POLN: variants seen among roughly 807,000 people sequenced by gnomAD.
POLN encodes the protein DNA polymerase nu, also known as DNA polymerase N.
POLN carries 108 observed loss-of-function variants against 113.5 expected under a neutral mutation model. The observed-to-expected ratio is 0.95, with a 90% CI of 0.81 to 1.12. POLN has a LOEUF of 1.12. Ranked by LOEUF, POLN falls within the 50% of genes most tolerant of loss-of-function variation. The pLI, the probability that POLN is intolerant of heterozygous loss-of-function variation, is 0.00. For missense variants in POLN, 1,097 were observed against 1,077.1 expected, an observed-to-expected ratio of 1.02 and a Z score of -0.26; for synonymous variants, 386 against 391.5, an observed-to-expected ratio of 0.99 and a Z score of 0.17.
intron 19 of POLN, among the ~76,000 whole-genome samples, chr4:2,125,439 T>C (rs1229125462): frequency 2.0e-5 from 3 of 152,140 alleles, no homozygotes; most frequent in Non-Finnish European, 4.4e-5. Context: ...AGAATAGTAG[T>C]TATTTGTGGA....
chr4:2,134,034 T>C (rs940800729), intron 16 of POLN, among the ~76,000 whole-genome samples: 1 of 152,226 alleles, frequency 6.6e-6, no homozygotes, highest in African/African-American at 2.4e-5. Context: ...CTCTGAACTT[T>C]TGGAAACCAC....
chr4:2,240,638 C>G, intron 2 of POLN: 1 of 1,613,686 alleles, frequency 6.2e-7, no homozygotes, highest in Non-Finnish European at 8.5e-7. Flanking sequence ...GAACCTCATC[C>G]TCTAATTTCT....
chr4:2,150,133 G>T (rs1732256357), intron 16 of POLN, among the ~76,000 whole-genome samples: 1 of 151,734 alleles, frequency 6.6e-6, no homozygotes, highest in Non-Finnish European at 1.5e-5. Flanking sequence ...ACAAAAAGAA[G>T]TGGGAGAGAG....
In POLN at chr4:2,179,338, G is replaced by T. The variant is rs768116268; in HGVS notation, c.1149C>A (p.Ser383Arg). 6.2e-7 allele frequency: 1 copy of T among 1,612,982 alleles called. No homozygotes were observed. Among genetic ancestry groups the T allele is most frequent in the Non-Finnish European group, 8.5e-7 (1 of 1,179,184 alleles). The stretch of plus-strand genomic sequence containing the variant: ...TATTTCTTGAGGAATTTCCATATGT[G>T]CTGTTCACTTTAACTGTAATGGATT... ...CEKSITVKVN[S>R]TYGNSSRNIV... The change falls in exon 8 of 26, where the codon AGC (serine) becomes AGA (arginine). Residue 383 changes from serine (S) to arginine (R), a missense_variant. Physicochemically the swap from Ser to Arg is moderately radical, Grantham distance 110 (BLOSUM62 -1). Transcript: ENST00000511885.
intron 16 of POLN, among the ~76,000 whole-genome samples, chr4:2,142,591 G>T (rs939026926): frequency 6.6e-6 from 1 of 152,116 alleles, no homozygotes; most frequent in Non-Finnish European, 1.5e-5. Context: ...ACAGAGGTGA[G>T]TCCCAGGTTT....
chr4:2,236,551 G>A (rs1048005435), intron 2 of POLN: 1 of 806,598 alleles, frequency 1.2e-6, no homozygotes, highest in Non-Finnish European at 2.0e-6. Context: ...TGTGGGGATA[G>A]CTAAGTAACA....
intron 19 of POLN, among the ~76,000 whole-genome samples, chr4:2,106,309 T>C (rs1299151155): frequency 6.6e-6 from 1 of 152,232 alleles, no homozygotes; most frequent in East Asian, 1.9e-4. Context: ...AAAACTGGCA[T>C]GAATATCTTA....
chr4:2,089,186 C>T (rs1185544611), intron 20 of POLN: 4 of 1,501,078 alleles, frequency 2.7e-6, no homozygotes, highest in Non-Finnish European at 3.6e-6. Context: ...GATAAACTGA[C>T]CTCAAAGGAC....
chr4:2,191,687 G>A (rs1577757525), intron 7 of POLN, among the ~76,000 whole-genome samples: 1 of 152,102 alleles, frequency 6.6e-6, no homozygotes, highest in African/African-American at 2.4e-5. Flanking sequence ...TTGCTTGGGG[G>A]TGGGGAGAGA....
rs548733067 is a variant in POLN, at chr4:2,095,046, G to C, written c.2065+805C>G. On this transcript the variant is annotated intron_variant, in intron 20 of 25. Transcript: ENST00000511885. ...AGGAGCTGGCTGGCTGGGGAAACTA[G>C]GCCATGCTGATTCAGCATGACCCAG... Among the ~76,000 whole-genome samples, 40 of 152,226 alleles carry C rather than the reference G, an allele frequency of 2.6e-4. No homozygotes were observed. In the South Asian group the frequency reaches 8.1e-3, roughly 31 times the overall value.
intron 5 of POLN, among the ~76,000 whole-genome samples, chr4:2,201,591 G>A (rs772815642): frequency 1.3e-5 from 2 of 152,040 alleles, no homozygotes; most frequent in Non-Finnish European, 2.9e-5. Flanking sequence ...CATTCCTGAG[G>A]AAGAAGAGAA....
At chr4:2,123,089 C>T (rs534742784) in intron 19 of POLN, among the ~76,000 whole-genome samples, 15 of 151,786 alleles carry the variant, frequency 9.9e-5, no homozygotes, top group South Asian at 8.4e-4. Flanking sequence ...GTCCAGCAAG[C>T]GGTTGAGGCT....
intron 16 of POLN, among the ~76,000 whole-genome samples, chr4:2,136,124 T>C (rs2108728526): frequency 6.6e-6 from 1 of 152,298 alleles, no homozygotes; most frequent in East Asian, 1.9e-4. Context: ...CCAACGAATG[T>C]CCAGGGGGCG....
intron 20 of POLN, among the ~76,000 whole-genome samples, chr4:2,087,449 T>C (rs529932603): frequency 5.3e-5 from 8 of 152,350 alleles, no homozygotes; most frequent in African/African-American, 1.9e-4. Flanking sequence ...TGGGACTTTC[T>C]TTGAGTATCT....
intron 4 of POLN, among the ~76,000 whole-genome samples, 176 bp from the exon 5 acceptor site, chr4:2,208,663 T>C (rs1423226778): frequency 6.6e-6 from 1 of 152,184 alleles, no homozygotes; most frequent in Non-Finnish European, 1.5e-5. Flanking sequence ...GTGATTTTTC[T>C]CAACCAAGGT....
intron 13 of POLN, among the ~76,000 whole-genome samples, chr4:2,166,688 C>G (rs1287277029): frequency 1.3e-5 from 2 of 152,166 alleles, no homozygotes; most frequent in African/African-American, 2.4e-5. Flanking sequence ...CTGGGACACC[C>G]TTCTCCTACC....
At chr4:2,105,146 G>A (rs1268286114) in intron 19 of POLN, among the ~76,000 whole-genome samples, 5 of 152,228 alleles carry the variant, frequency 3.3e-5, no homozygotes, top group African/African-American at 4.8e-5. Flanking sequence ...CTCCCCTCAC[G>A]TCTCGTGAAA....
chr4:2,086,293 A>C (rs1180828451), intron 20 of POLN, among the ~76,000 whole-genome samples: 1 of 152,162 alleles, frequency 6.6e-6, no homozygotes, highest in Admixed American at 6.5e-5. Flanking sequence ...TGGGCAACAA[A>C]GTAAGGCCTA....
chr4:2,157,903 C>G lies in POLN; in HGVS notation c.1620G>C (p.Lys540Asn), dbSNP rs1375344258. The change falls in exon 15 of 26, where the codon AAG becomes AAC. Residue 540 changes from lysine (K) to asparagine (N), a missense_variant. Lys to Asn is a moderately conservative substitution (Grantham distance 94). Coordinates refer to ENST00000511885, the MANE Select transcript of POLN (RefSeq NM_181808.4). ...KIILEYRQVH[K>N]IKSTFVDGLL... is the part of the protein sequence containing the mutation. ...ATCCATCTACAAAGGTTGACTTGAT[C>G]TTGTGAACCTAAGGTGGAAAGACAA... 1 of 1,605,320 alleles carries G rather than the reference C, an allele frequency of 6.2e-7. No homozygotes were observed. The highest frequency in any genetic ancestry group is 8.5e-7 in the Non-Finnish European group (1 of 1,173,672).
Sources: gnomAD v4.1 joint callset for allele counts (sites outside exome capture counted in the v4.1 genomes callset) on GRCh38, gnomAD v4.1.1 for gene constraint, MANE v1.5 for transcripts, NCBI Gene and HGNC (gene_info 2026-07-23, HGNC 2026-07-21) for gene names.